The following RAB3D variants were observed in gnomAD, a reference collection of about 807,000 sequenced individuals.
RAB3D encodes the protein ras-related protein Rab-3D.
RAB3D carries 17 observed loss-of-function variants against 19.3 expected under a neutral mutation model. The observed-to-expected ratio is 0.88, with a 90% confidence interval of 0.60 to 1.32. The LOEUF is 1.32. Among genes scored for constraint, RAB3D ranks in the 40% most tolerant of loss-of-function variants. The pLI is 0.00. For synonymous variants in RAB3D, 103 were observed against 119.9 expected, an observed-to-expected ratio of 0.86 and a Z score of 0.92; for missense variants, 223 against 299.1, an observed-to-expected ratio of 0.75 and a Z score of 1.88.
chr19:11,323,827 C>G lies in RAB3D; in HGVS notation c.*1571G>C, dbSNP rs1320595614. The stretch of plus-strand genomic sequence containing the variant: ...TCAGGGACGTGGGAACATAAAACAT[C>G]CACTTAGCCATCCTAACAGTGCTGG... On this transcript the variant is annotated 3_prime_UTR_variant, in exon 5 of 5. Transcript: ENST00000222120. The G allele has an allele frequency of 6.6e-6, 1 of 152,174 alleles. No homozygotes were observed. The highest frequency in any genetic ancestry group is 1.5e-5 in the Non-Finnish European group (1 of 68,060). 9.4% of individuals were successfully genotyped at this position (152,174 alleles called of 1,614,324 possible). A position where few individuals can be genotyped will look rare whatever the true frequency, so the allele number is the denominator to read the frequency against.
chr19:11,338,309 G>C (rs60718624), intron 1 of RAB3D, among the ~76,000 whole-genome samples: 1 of 152,190 alleles, frequency 6.6e-6, no homozygotes, highest in Non-Finnish European at 1.5e-5. Context: ...GGCCCCTGCA[G>C]AACTAGATTC....
chr19:11,328,807 A>C (rs2080825496), intron 4 of RAB3D, among the ~76,000 whole-genome samples: 2 of 152,074 alleles, frequency 1.3e-5, no homozygotes, highest in South Asian at 2.1e-4. Context: ...ACAGAGTGAG[A>C]CCCTGTCTCA....
chr19:11,328,627 C>G (rs1659275528), intron 4 of RAB3D, among the ~76,000 whole-genome samples: 1 of 151,776 alleles, frequency 6.6e-6, no homozygotes, highest in Non-Finnish European at 1.5e-5. Flanking sequence ...AGCCTGGCAA[C>G]AGAGCAAGAC....
intron 2 of RAB3D, among the ~76,000 whole-genome samples, chr19:11,336,219 G>A (rs1966894238): frequency 2.0e-5 from 3 of 152,286 alleles, no homozygotes; most frequent in Admixed American, 2.0e-4. Flanking sequence ...TGCAGACCAG[G>A]TCGGTCCAAT....
At chr19:11,326,745 AG>A (rs2080815539) in intron 4 of RAB3D, 1 of 693,956 alleles carries the variant, frequency 1.4e-6, no homozygotes, top group Non-Finnish European at 2.6e-6. Context: ...CTGGGGCTAC[AG>A]GTGTGCCCCA....
chr19:11,337,193 CTT>C lies in RAB3D; in HGVS notation c.205_206del (p.Lys69GlufsTer34), dbSNP rs767099079. On this transcript the variant is annotated frameshift_variant, in exon 2 of 5. Transcript: ENST00000222120. LOFTEE classifies it high-confidence loss of function. The part of the protein sequence containing the change: ...FKVKTVYRHD[K>X]RIKLQIWDTA... Reference sequence around the variant, plus strand: ...CTACCCAGATCTGCAGCTTGATCCTCTTGTCATGGCGGTAGACGGTCTTGACC... The same window carrying C: ...CTACCCAGATCTGCAGCTTGATCCTCGTCATGGCGGTAGACGGTCTTGACC... 1.1e-5 allele frequency: 18 copies of C among 1,613,924 alleles called. No individual in the cohort carries two copies. The highest frequency in any genetic ancestry group is 1.4e-5 in the Non-Finnish European group (17 of 1,179,990).
At chr19:11,330,551 A>G (rs552631125) in intron 4 of RAB3D, among the ~76,000 whole-genome samples, 1 of 151,978 alleles carries the variant, frequency 6.6e-6, no homozygotes, top group East Asian at 2.0e-4. Flanking sequence ...CTATCTCTTA[A>G]AATTTTTTTC....
intron 4 of RAB3D, among the ~76,000 whole-genome samples, chr19:11,327,751 C>CT (rs1362870535): frequency 6.6e-6 from 1 of 152,080 alleles, no homozygotes; most frequent in Non-Finnish European, 1.5e-5. Context: ...ATCCCAACTA[C>CT]TCAGGAGGCC....
At chr19:11,337,069 G>A in intron 2 of RAB3D, 103 bp downstream of exon 2, 3 of 997,280 alleles carry the variant, frequency 3.0e-6, no homozygotes, top group Non-Finnish European at 3.0e-6. Context: ...CCTCCAGCCT[G>A]GGCAACAGAG....
At chr19:11,337,095 A>G (rs1334768323) in intron 2 of RAB3D, 77 bp downstream of exon 2, 17 of 974,744 alleles carry the variant, frequency 1.7e-5, no homozygotes, top group South Asian at 3.8e-5. Context: ...CTCCGTCTCA[A>G]AAAAAAAAAA....
chr19:11,328,305 G>A lies in RAB3D; in HGVS notation c.473-2720C>T, dbSNP rs189087096. Among the ~76,000 whole-genome samples the A allele has an allele frequency of 1.1e-3, 154 of 144,524 alleles. 1 individual carries two copies. Among genetic ancestry groups the A allele is most frequent in the African/African-American group, 4.1e-3 (153 of 37,474 alleles). The allele number at this position is 144,524 out of a possible 152,430, so 94.8% of individuals were successfully genotyped here. A position where few individuals can be genotyped will look rare whatever the true frequency, so the allele number is the denominator to read the frequency against. Reference sequence around the variant, plus strand: ...GCCGAGATTGTGCCATTGTACTCCAGGCTGGGTGACAGAACAAGATATTAT... The same window carrying A: ...GCCGAGATTGTGCCATTGTACTCCAAGCTGGGTGACAGAACAAGATATTAT... On this transcript the variant is annotated intron_variant, in intron 4 of 4. Transcript: ENST00000222120.
intron 1 of RAB3D, among the ~76,000 whole-genome samples, chr19:11,338,386 G>T (rs995027881): frequency 6.6e-6 from 1 of 152,188 alleles, no homozygotes; most frequent in Non-Finnish European, 1.5e-5. Context: ...TGTAAGCTGG[G>T]GTGGGGTGGG....
intron 1 of RAB3D, among the ~76,000 whole-genome samples, chr19:11,338,282 C>T (rs1044520381): frequency 5.3e-5 from 8 of 152,296 alleles, no homozygotes; most frequent in African/African-American, 9.6e-5. Flanking sequence ...AGTGCAAGGC[C>T]GAGGGTAAGG....
In RAB3D at chr19:11,337,476, A is replaced by G; in HGVS notation, c.-61-16T>C. On this transcript the variant is annotated splice_polypyrimidine_tract_variant and intron_variant, in intron 1 of 4. Transcript: ENST00000222120. ...GACGGGCGTCCTGCAGGGGAATCAA[A>G]CATCAAGAACAGCTCCTGTGAATGC... 8.8e-7 allele frequency: 1 copy of G among 1,136,040 alleles called. No individual in the cohort carries two copies. The highest frequency in any genetic ancestry group is 1.3e-6 in the Non-Finnish European group (1 of 755,206). 70.4% of individuals were successfully genotyped at this position (1,136,040 alleles called of 1,614,324 possible).
chr19:11,337,453 C>T lies in RAB3D; in HGVS notation c.-54G>A, dbSNP rs1453230787. Reference sequence around the variant, plus strand: ...ACCTGAAATCCTCAGGGAGAGGAGACGGGCGTCCTGCAGGGGAATCAAACA... The same window carrying T: ...ACCTGAAATCCTCAGGGAGAGGAGATGGGCGTCCTGCAGGGGAATCAAACA... On this transcript the variant is annotated 5_prime_UTR_variant, in exon 2 of 5. Transcript: ENST00000222120. 34 of 1,444,300 alleles carry T rather than the reference C, an allele frequency of 2.4e-5. No homozygotes were observed. The highest frequency in any genetic ancestry group is 1.0e-4 in the Admixed American group (6 of 59,426). The allele number at this position is 1,444,300 out of a possible 1,614,324, so 89.5% of individuals were successfully genotyped here. A position where few individuals can be genotyped will look rare whatever the true frequency, so the allele number is the denominator to read the frequency against.
chr19:11,336,862 C>T (rs1303611092), intron 2 of RAB3D, among the ~76,000 whole-genome samples: 1 of 151,134 alleles, frequency 6.6e-6, no homozygotes, highest in Non-Finnish European at 1.5e-5. Context: ...CCCAGCTACT[C>T]GGGAGACTGA....
rs139489541 is a variant in RAB3D, at chr19:11,324,494, CCAGCTAAA to C, written c.*896_*903del. 32,922 of 152,178 alleles carry C rather than the reference CCAGCTAAA, an allele frequency of 0.22. 6,463 individuals are homozygous for C. The highest frequency in any genetic ancestry group is 0.53 in the African/African-American group (21,850 of 41,214). The allele number at this position is 152,178 out of a possible 1,614,324, so 9.4% of individuals were successfully genotyped here. A position where few individuals can be genotyped will look rare whatever the true frequency, so the allele number is the denominator to read the frequency against. Reference sequence around the variant, plus strand: ...GGGCAAGAACTTGCTTAAAACACAACCAGCTAAACAGCTAAACAGGGCCTGGGAGGGAG... The same window carrying C: ...GGGCAAGAACTTGCTTAAAACACAACCAGCTAAACAGGGCCTGGGAGGGAG... On this transcript the variant is annotated 3_prime_UTR_variant, in exon 5 of 5. Coordinates refer to ENST00000222120, the MANE Select transcript of RAB3D (RefSeq NM_004283.4).
At chr19:11,337,698 C>T (rs1422066367) in intron 1 of RAB3D, among the ~76,000 whole-genome samples, 1 of 149,132 alleles carries the variant, frequency 6.7e-6, no homozygotes, top group East Asian at 1.9e-4. Context: ...GAGACAAGAT[C>T]TCGCTCTGTT....
At chr19:11,333,080 CTT>C (rs754729605) in intron 4 of RAB3D, among the ~76,000 whole-genome samples, 35 of 137,082 alleles carry the variant, frequency 2.6e-4, no homozygotes, top group Admixed American at 7.4e-4. Flanking sequence ...AGAAATATTT[CTT>C]TTTTTTTTTT....
Sources: allele counts gnomAD v4.1 joint callset (sites outside exome capture counted in the v4.1 genomes callset), GRCh38; gene constraint gnomAD v4.1.1; transcripts MANE v1.5; gene names NCBI Gene and HGNC (gene_info 2026-07-23, HGNC 2026-07-21).